The following TOPBP1 variants were observed in gnomAD, a reference collection of about 807,000 sequenced individuals.
TOPBP1 encodes DNA topoisomerase II binding protein 1, also known as DNA topoisomerase 2-binding protein 1.
In TOPBP1, 28 loss-of-function variants were observed where a neutral mutation model predicts 167.7. The observed-to-expected ratio is 0.17, with a 90% CI of 0.12 to 0.23. TOPBP1 has a LOEUF of 0.23. Among genes scored for constraint, TOPBP1 ranks in the 10% least tolerant of loss-of-function variants. The pLI, the probability that TOPBP1 is intolerant of heterozygous loss-of-function variation, is 1.00. For missense variants in TOPBP1, 1,554 were observed against 1,809.6 expected (o/e 0.86, Z 2.56); for synonymous variants, 598 against 611.4 (o/e 0.98, Z 0.32).
In TOPBP1 at chr3:133,601,386, G is replaced by A. The variant is rs1934292912; in HGVS notation, c.4433C>T (p.Pro1478Leu). The A allele has an allele frequency of 6.6e-7, 1 of 1,522,938 alleles. No homozygotes were observed. Among genetic ancestry groups the A allele is most frequent in the Non-Finnish European group, 8.8e-7 (1 of 1,133,986 alleles). The allele number at this position is 1,522,938 out of a possible 1,614,324, so 94.3% of individuals were successfully genotyped here. A position where few individuals can be genotyped will look rare whatever the true frequency, so the allele number is the denominator to read the frequency against. Reference sequence around the variant, plus strand: ...TAGACAGTAATTTTCTACATGAGGAGGTGATTCCTATAAAAGGAAAAATAA... The same window carrying A: ...TAGACAGTAATTTTCTACATGAGGAAGTGATTCCTATAAAAGGAAAAATAA... Reference protein sequence around the residue: ...YIADYLMQESPPHVENYCLPE... With the variant: ...YIADYLMQESLPHVENYCLPE... Residue 1478 changes from proline to leucine, a missense_variant, in exon 28 of 28, where the codon CCT becomes CTT. Pro to Leu is a moderately conservative substitution (Grantham distance 98). Around this residue, in one of 3 missense-constraint regions of TOPBP1, gnomAD observed 351 missense variants for 432.9 expected, o/e 0.81. Transcript: ENST00000260810.
chr3:133,630,301 C>CT lies in TOPBP1; in HGVS notation c.2521-1569dup, dbSNP rs35595195. On this transcript the variant is annotated intron_variant, in intron 14 of 27. Coordinates refer to ENST00000260810, the MANE Select transcript of TOPBP1 (RefSeq NM_007027.4). The stretch of plus-strand genomic sequence containing the variant: ...CATTTGTCAAATTTTTGCCATGGAG[C>CT]TTTTTTTTTTTTTCAGAGATGGAGT... Among the ~76,000 whole-genome samples, 116 of 137,542 alleles carry CT rather than the reference C, an allele frequency of 8.4e-4. 2 individuals carry two copies. Among genetic ancestry groups the CT allele is most frequent in the African/African-American group, 1.5e-3 (57 of 37,242 alleles). 90.2% of individuals were successfully genotyped at this position (137,542 alleles called of 152,430 possible).
chr3:133,649,042 A>G (rs1298794129), intron 10 of TOPBP1, among the ~76,000 whole-genome samples: 4 of 152,204 alleles, frequency 2.6e-5, no homozygotes, highest in Admixed American at 1.3e-4. Flanking sequence ...TCCACAGTAC[A>G]GTTTCATGCA....
chr3:133,639,785 C>T (rs1935830815), intron 13 of TOPBP1, among the ~76,000 whole-genome samples, 174 bp downstream of exon 13: 1 of 152,080 alleles, frequency 6.6e-6, no homozygotes. Flanking sequence ...AAAGAATCAA[C>T]AGTAAATAGG....
chr3:133,627,059 T>A (rs1404076869), intron 16 of TOPBP1, among the ~76,000 whole-genome samples: 1 of 152,348 alleles, frequency 6.6e-6, no homozygotes. Flanking sequence ...ACTCTATGCA[T>A]ATATAAATAT....
intron 12 of TOPBP1, 107 bp from the exon 13 acceptor site, chr3:133,640,277 A>C: frequency 1.1e-6 from 1 of 921,574 alleles, no homozygotes; most frequent in South Asian, 1.7e-5. Context: ...GTAAGTATAA[A>C]AAAAAATACT....
At chr3:133,646,355 T>C (rs1167130608) in intron 10 of TOPBP1, among the ~76,000 whole-genome samples, 1 of 151,922 alleles carries the variant, frequency 6.6e-6, no homozygotes, top group African/African-American at 2.4e-5. Flanking sequence ...TGAAGGATAG[T>C]ATGTAAAATT....
At chr3:133,612,929 A>G (rs1934729853) in intron 23 of TOPBP1, among the ~76,000 whole-genome samples, 1 of 152,056 alleles carries the variant, frequency 6.6e-6, no homozygotes, top group Admixed American at 6.5e-5. Context: ...GTGCAGTGGC[A>G]TGATCTTGGC....
In TOPBP1 at chr3:133,604,514, AT is replaced by A. The variant is rs1345783690; in HGVS notation, c.4426-3122del. Among the ~76,000 whole-genome samples the A allele has an allele frequency of 2.0e-5, 3 of 151,946 alleles. No homozygotes were observed. The East Asian group carries it at 5.8e-4, about 29-fold the overall frequency. ...ATGCCAACAAATTTGATAAGATGAAATGGATATATTATTTGAAAAACACCAG... is the reference window on the plus strand; with the variant it reads ...ATGCCAACAAATTTGATAAGATGAAAGGATATATTATTTGAAAAACACCAG... On this transcript the variant is annotated intron_variant, in intron 27 of 27. Coordinates refer to ENST00000260810, the MANE Select transcript of TOPBP1 (RefSeq NM_007027.4).
At chr3:133,642,044 T>C (rs56289481) in intron 12 of TOPBP1, among the ~76,000 whole-genome samples, 2,286 of 152,046 alleles carry the variant, frequency 0.015, 68 homozygotes, top group African/African-American at 0.052. Flanking sequence ...GGCTGGAGTA[T>C]AGTTGTGTGA....
chr3:133,636,555 G>T (rs1935684058), intron 14 of TOPBP1, among the ~76,000 whole-genome samples: 1 of 152,072 alleles, frequency 6.6e-6, no homozygotes, highest in Non-Finnish European at 1.5e-5. Context: ...TCTTTAATGT[G>T]TTTTTTGTAT....
At chr3:133,613,262 T>C (rs1441153530) in intron 23 of TOPBP1, among the ~76,000 whole-genome samples, 1 of 152,250 alleles carries the variant, frequency 6.6e-6, no homozygotes, top group East Asian at 1.9e-4. Flanking sequence ...TAAACAGCCA[T>C]AATGCCATTA....
intron 27 of TOPBP1, among the ~76,000 whole-genome samples, chr3:133,606,042 AT>A (rs1393867686): frequency 6.6e-6 from 1 of 151,942 alleles, no homozygotes; most frequent in African/African-American, 2.4e-5. Context: ...CAAAAAAAAA[AT>A]TAGCTGGGCA....
intron 10 of TOPBP1, among the ~76,000 whole-genome samples, chr3:133,646,409 GGGAGGCTAAGACA>G (rs1037712377): frequency 1.3e-5 from 2 of 152,046 alleles, no homozygotes; most frequent in African/African-American, 4.8e-5. Context: ...CCAACATTCT[GGGAGGCTAAGACA>G]GGAGGATCAC....
At chr3:133,638,641 T>C (rs1391857265) in intron 13 of TOPBP1, among the ~76,000 whole-genome samples, 1 of 152,208 alleles carries the variant, frequency 6.6e-6, no homozygotes, top group African/African-American at 2.4e-5. Context: ...GCCTCAGTCA[T>C]AAAATTACCA....
intron 27 of TOPBP1, among the ~76,000 whole-genome samples, chr3:133,606,571 C>T (rs75543684): frequency 0.15 from 21,042 of 140,698 alleles, 1,815 homozygotes; most frequent in Non-Finnish European, 0.2. Context: ...GGACATGGAA[C>T]AGCTAAATAA....
chr3:133,614,832 T>TG (rs1934806582), intron 23 of TOPBP1, among the ~76,000 whole-genome samples: 1 of 91,600 alleles, frequency 1.1e-5, no homozygotes, highest in African/African-American at 4.3e-5. Context: ...TGTCCTGGGG[T>TG]GGGGGGAGGG....
rs558143271 is a variant in TOPBP1, at chr3:133,633,077, C to T, written c.2521-4344G>A. Among the ~76,000 whole-genome samples the T allele has an allele frequency of 2.6e-4, 40 of 152,252 alleles. 1 individual carries two copies. The highest frequency in any genetic ancestry group is 8.7e-4 in the African/African-American group (36 of 41,568). On this transcript the variant is annotated intron_variant, in intron 14 of 27. Coordinates refer to ENST00000260810, the MANE Select transcript of TOPBP1 (RefSeq NM_007027.4). Reference sequence around the variant, plus strand: ...CATGCACCACTGAGCCTGGCTATTTCTTCCACCTTAAAAAGAAAACAACCT... The same window carrying T: ...CATGCACCACTGAGCCTGGCTATTTTTTCCACCTTAAAAAGAAAACAACCT...
intron 21 of TOPBP1, chr3:133,617,997 T>C: frequency 1.9e-6 from 1 of 515,258 alleles, no homozygotes; most frequent in South Asian, 2.4e-5. Context: ...AATTCTAAAT[T>C]TCCAAATTTA....
chr3:133,603,884 ATCTT>A (rs1934400531), intron 27 of TOPBP1, among the ~76,000 whole-genome samples: 1 of 151,974 alleles, frequency 6.6e-6, no homozygotes, highest in South Asian at 2.1e-4. Flanking sequence ...AGAATATAAA[ATCTT>A]TCACATATAT....
Sources: allele counts gnomAD v4.1 joint callset (sites outside exome capture counted in the v4.1 genomes callset), GRCh38; gene constraint gnomAD v4.1.1; regional missense constraint gnomAD v4.1.1; transcripts MANE v1.5; gene names NCBI Gene and HGNC (gene_info 2026-07-23, HGNC 2026-07-21).